The following TEX36 variants were observed in gnomAD, a reference collection of about 807,000 sequenced individuals.
TEX36 encodes testis-expressed protein 36.
A neutral mutation model predicts 13.6 loss-of-function variants in TEX36; 12 were observed. That is an observed-to-expected ratio of 0.88 (90% CI 0.56 to 1.43). The LOEUF (loss-of-function observed/expected upper bound fraction) is 1.43, where lower values mean the gene tolerates loss of function less well. Ranked by LOEUF, TEX36 falls within the 40% of genes most tolerant of loss-of-function variation. TEX36 has a pLI of 0.00. For synonymous variants in TEX36, 93 were observed against 83.0 expected (o/e 1.12, Z -0.65); for missense variants, 224 against 228.3 (o/e 0.98, Z 0.12).
chr10:125,636,519 G>A (rs1175452568), intron 3 of TEX36, among the ~76,000 whole-genome samples: 5 of 152,102 alleles, frequency 3.3e-5, no homozygotes, highest in Non-Finnish European at 5.9e-5. Flanking sequence ...CAGCCTTGCT[G>A]AACTATTTTA....
intron 3 of TEX36, among the ~76,000 whole-genome samples, chr10:125,632,966 T>C (rs1846576862): frequency 1.3e-5 from 2 of 152,074 alleles, no homozygotes; most frequent in Middle Eastern, 3.4e-3. Flanking sequence ...CTACTGAAAA[T>C]ACAAAAATTA....
chr10:125,669,755 C>T (rs1202915313), intron 1 of TEX36, among the ~76,000 whole-genome samples: 3 of 152,156 alleles, frequency 2.0e-5, no homozygotes, highest in Admixed American at 1.3e-4. Flanking sequence ...CCCTCCCACA[C>T]CCCCCGTAAC....
At chr10:125,678,344 AG>A (rs1847342394) in intron 1 of TEX36, among the ~76,000 whole-genome samples, 1 of 152,100 alleles carries the variant, frequency 6.6e-6, no homozygotes. Flanking sequence ...TTAACAGTAG[AG>A]GCTGTGATGA....
chr10:125,620,511 A>G (rs1589758285), downstream of TEX36, among the ~76,000 whole-genome samples: 3 of 152,176 alleles, frequency 2.0e-5, no homozygotes, highest in Admixed American at 2.0e-4. Flanking sequence ...ACCATGGCAA[A>G]CAGGGATCAG....
chr10:125,595,854 TAG>T (rs1429228114), intron 3 of TEX36, among the ~76,000 whole-genome samples: 1 of 152,208 alleles, frequency 6.6e-6, no homozygotes. Flanking sequence ...TCTCCCTGTC[TAG>T]AATGTAAACC....
At chr10:125,628,051 T>C (rs1478808573) in intron 3 of TEX36, among the ~76,000 whole-genome samples, 2 of 152,192 alleles carry the variant, frequency 1.3e-5, no homozygotes, top group Non-Finnish European at 2.9e-5. Flanking sequence ...AATTATGCAA[T>C]TTATTGGTGC....
intron 3 of TEX36, among the ~76,000 whole-genome samples, chr10:125,613,767 A>G (rs563186860): frequency 7.2e-5 from 11 of 152,074 alleles, no homozygotes; most frequent in Admixed American, 4.6e-4. Flanking sequence ...TTATAGCAGC[A>G]TGATTTATAG....
intron 3 of TEX36, among the ~76,000 whole-genome samples, chr10:125,626,723 G>C (rs559442625): frequency 2.4e-4 from 36 of 152,164 alleles, no homozygotes; most frequent in Non-Finnish European, 4.4e-4. Context: ...CTCGGAACCA[G>C]CAGCTGGAAG....
chr10:125,594,053 A>G (rs967751754), intron 3 of TEX36, among the ~76,000 whole-genome samples: 1 of 152,208 alleles, frequency 6.6e-6, no homozygotes, highest in Non-Finnish European at 1.5e-5. Context: ...TGGAGCTCTA[A>G]GGAGCTGTCT....
intron 3 of TEX36, among the ~76,000 whole-genome samples, chr10:125,608,836 A>C (rs1336555123): frequency 6.6e-6 from 1 of 152,014 alleles, no homozygotes; most frequent in Non-Finnish European, 1.5e-5. Context: ...GCATGGAATA[A>C]AAATTTTAAA....
intron 3 of TEX36, among the ~76,000 whole-genome samples, chr10:125,615,348 CCT>C (rs1281295412): frequency 6.6e-6 from 1 of 152,138 alleles, no homozygotes; most frequent in East Asian, 1.9e-4. Context: ...AGAGTGCATC[CCT>C]GTCTTGTGCC....
At chr10:125,616,190 C>G (rs1030229407) in intron 3 of TEX36, among the ~76,000 whole-genome samples, 4 of 151,840 alleles carry the variant, frequency 2.6e-5, no homozygotes, top group Non-Finnish European at 5.9e-5. Flanking sequence ...CTTTTTTAGT[C>G]TTGCTAGTGG....
chr10:125,655,081 A>AT (rs1846917329), downstream of TEX36, among the ~76,000 whole-genome samples: 1 of 152,222 alleles, frequency 6.6e-6, no homozygotes, highest in Admixed American at 6.5e-5. Context: ...ATAGGCAGCG[A>AT]TTTTTTAAAA....
chr10:125,612,585 C>A (rs1846304112), intron 3 of TEX36, among the ~76,000 whole-genome samples: 1 of 152,130 alleles, frequency 6.6e-6, no homozygotes, highest in Non-Finnish European at 1.5e-5. Flanking sequence ...CCTATCCAGT[C>A]TTTTTGTGAG....
At chr10:125,584,875 A>G (rs917117598) in intron 3 of TEX36, among the ~76,000 whole-genome samples, 2 of 152,228 alleles carry the variant, frequency 1.3e-5, no homozygotes, top group Non-Finnish European at 2.9e-5. Context: ...GCCTGAGAGG[A>G]CTACTACACA....
intron 3 of TEX36, among the ~76,000 whole-genome samples, chr10:125,609,057 A>G (rs1846256705): frequency 6.6e-6 from 1 of 150,888 alleles, no homozygotes; most frequent in Non-Finnish European, 1.5e-5. Context: ...CTGTAATCCC[A>G]TCTACTCAGG....
chr10:125,585,254 A>G (rs922570102), intron 3 of TEX36, among the ~76,000 whole-genome samples: 1 of 152,170 alleles, frequency 6.6e-6, no homozygotes, highest in African/African-American at 2.4e-5. Flanking sequence ...ACGAGTTCCC[A>G]GAGGGAGAAA....
chr10:125,669,547 T>C (rs922009674), intron 1 of TEX36, among the ~76,000 whole-genome samples: 1 of 152,076 alleles, frequency 6.6e-6, no homozygotes, highest in African/African-American at 2.4e-5. Context: ...AGAGTTTCCA[T>C]TTTCATTTGT....
chr10:125,578,163 T>C (rs1330091721), intron 3 of TEX36: 2 of 152,266 alleles, frequency 1.3e-5, no homozygotes, highest in Admixed American at 6.5e-5. Flanking sequence ...GGATTTACTG[T>C]GGGATGTGGG....
Sources: gnomAD v4.1 joint callset for allele counts (sites outside exome capture counted in the v4.1 genomes callset) on GRCh38, gnomAD v4.1.1 for gene constraint, MANE v1.5 for transcripts, NCBI Gene and HGNC (gene_info 2026-07-23, HGNC 2026-07-21) for gene names.